Variants in SYNE3 observed in about 807,000 individuals in gnomAD.
The protein encoded by SYNE3 is nesprin-3.
SYNE3 carries 100 observed loss-of-function variants against 111.2 expected under a neutral mutation model. The observed-to-expected ratio is 0.90, with a 90% confidence interval of 0.77 to 1.06. The LOEUF is 1.06. Ranked by LOEUF, SYNE3 falls within the 50% of genes least tolerant of loss-of-function variation. The pLI is 0.00. For missense variants in SYNE3, 1,160 were observed against 1,240.3 expected, an observed-to-expected ratio of 0.94 and a Z score of 0.97; for synonymous variants, 547 against 533.9, an observed-to-expected ratio of 1.02 and a Z score of -0.34.
chr14:95,430,172 T>C (rs10129749), intron 17 of SYNE3, among the ~76,000 whole-genome samples: 3,002 of 152,314 alleles, frequency 0.02, 116 homozygotes, highest in African/African-American at 0.068. Flanking sequence ...TACTATGTGC[T>C]AGGCACCATG....
intron 4 of SYNE3, among the ~76,000 whole-genome samples, chr14:95,465,675 G>A (rs1282667551): frequency 1.3e-5 from 2 of 152,064 alleles, no homozygotes; most frequent in East Asian, 3.9e-4. Flanking sequence ...GTAGATAGGT[G>A]AATGGGGTGG....
chr14:95,462,108 C>T, intron 4 of SYNE3, among the ~76,000 whole-genome samples: 1 of 152,192 alleles, frequency 6.6e-6, no homozygotes, highest in East Asian at 1.9e-4. Flanking sequence ...CACGAAAGCT[C>T]CATCCATAGA....
intron 1 of SYNE3, among the ~76,000 whole-genome samples, chr14:95,481,790 T>A (rs1889830356): frequency 6.6e-6 from 1 of 152,228 alleles, no homozygotes; most frequent in Non-Finnish European, 1.5e-5. Context: ...CCAGCTCCCT[T>A]TGCCCGATTC....
chr14:95,509,020 G>A (rs555829540), intron 1 of SYNE3, among the ~76,000 whole-genome samples: 20 of 152,322 alleles, frequency 1.3e-4, no homozygotes, highest in East Asian at 7.7e-4. Context: ...TAATAATAGC[G>A]TGCTCTCTCT....
At chr14:95,469,675 C>T (rs1158255040) in intron 2 of SYNE3, among the ~76,000 whole-genome samples, 6 of 151,802 alleles carry the variant, frequency 4.0e-5, no homozygotes, top group South Asian at 2.1e-4. Context: ...CAAACCACTA[C>T]GCTCCAGCCT....
intron 1 of SYNE3, among the ~76,000 whole-genome samples, chr14:95,502,202 A>C (rs1890362485): frequency 6.6e-6 from 1 of 152,088 alleles, no homozygotes; most frequent in African/African-American, 2.4e-5. Context: ...ACAGTTGGTC[A>C]CACCAACTTT....
At chr14:95,469,625 C>T (rs1888402496) in intron 2 of SYNE3, among the ~76,000 whole-genome samples, 1 of 151,416 alleles carries the variant, frequency 6.6e-6, no homozygotes, top group African/African-American at 2.4e-5. Context: ...GTGGGAGGAT[C>T]GCTTGAGCTT....
In SYNE3 at chr14:95,450,060, C is replaced by T. The variant is rs149713915; in HGVS notation, c.1320G>A (p.Glu440=). The change falls in exon 8 of 18, where the codon GAG becomes GAA. Residue 440 remains glutamate, a synonymous_variant. Transcript: ENST00000682763. ...SARLRNAAAV[E]LWQHFQRPLQ... Reference sequence around the variant, plus strand: ...GAGGCCGCTGGAAATGCTGCCACAGCTCCACCGCCGCGGCATTGCGCAGCC... The same window carrying T: ...GAGGCCGCTGGAAATGCTGCCACAGTTCCACCGCCGCGGCATTGCGCAGCC... The T allele has an allele frequency of 2.0e-3, 3,087 of 1,569,982 alleles. 20 individuals carry two copies. The highest frequency in any genetic ancestry group is 4.3e-3 in the Middle Eastern group (25 of 5,760).
intron 1 of SYNE3, among the ~76,000 whole-genome samples, chr14:95,487,641 G>A (rs1370814885): frequency 2.6e-5 from 4 of 152,040 alleles, no homozygotes; most frequent in East Asian, 3.8e-4. Context: ...GCCAACACCC[G>A]TCCATAAAAT....
At chr14:95,439,337 A>G (rs1240159982) in intron 13 of SYNE3, among the ~76,000 whole-genome samples, 175 bp from the exon 14 acceptor site, 1 of 152,252 alleles carries the variant, frequency 6.6e-6, no homozygotes, top group African/African-American at 2.4e-5. Flanking sequence ...AACTCAGAGT[A>G]ACCTGTCATG....
chr14:95,450,845 CAT>C (rs1393034620), intron 7 of SYNE3: 1 of 152,202 alleles, frequency 6.6e-6, no homozygotes, highest in Non-Finnish European at 1.5e-5. Flanking sequence ...GTGCTCCTCT[CAT>C]ATAATCATTC....
At chr14:95,439,305 T>C (rs1886274745) in intron 13 of SYNE3, 143 bp from the exon 14 acceptor site, 4 of 1,261,098 alleles carry the variant, frequency 3.2e-6, no homozygotes, top group Non-Finnish European at 4.5e-6. Flanking sequence ...TGAGGCATGC[T>C]CACATCCGGT....
At position 95,409,442 on chromosome 14, in the gene SYNE3, G is replaced by A. The variant is rs988034579; in HGVS notation, c.*8384C>T. The A allele has an allele frequency of 1.6e-5, 7 of 446,664 alleles. No homozygotes were observed. The highest frequency in any genetic ancestry group is 1.4e-4 in the African/African-American group (7 of 49,480). 27.7% of individuals were successfully genotyped at this position (446,664 alleles called of 1,614,324 possible). The stretch of plus-strand genomic sequence containing the variant: ...CTGGCCTGGTGTTCCTGGTTGCTGA[G>A]CTCAGAAGCAAGCGTTTCAGAAAGG... On this transcript the variant is annotated 3_prime_UTR_variant, in exon 18 of 18. Coordinates refer to ENST00000682763, the MANE Select transcript of SYNE3 (RefSeq NM_152592.6).
At chr14:95,450,269 T>C in intron 7 of SYNE3, 164 bp from the exon 8 acceptor site, 1 of 809,944 alleles carries the variant, frequency 1.2e-6, no homozygotes, top group African/African-American at 1.7e-5. Context: ...AGACAGAAGA[T>C]GTAGCTGGAA....
rs777251774 is a variant in SYNE3, at chr14:95,457,204, G to A, written c.762C>T (p.Pro254=). 1.9e-6 allele frequency: 3 copies of A among 1,613,988 alleles called. No homozygotes were observed. The highest frequency in any genetic ancestry group is 2.5e-6 in the Non-Finnish European group (3 of 1,179,988). ...GCAGTGTGGAGAGGCGCTGCGTGAT[G>A]GGCAGCTTGCAGTTCCGCCCCAGGC... ...NGCLGRNCKL[P]ITQRLSTLQD... The change falls in exon 5 of 18, where the codon CCC becomes CCT. Residue 254 remains proline (P), a synonymous_variant. Coordinates refer to ENST00000682763, the MANE Select transcript of SYNE3 (RefSeq NM_152592.6).
At chr14:95,508,662 C>A (rs1017020846) in intron 1 of SYNE3, among the ~76,000 whole-genome samples, 7 of 152,262 alleles carry the variant, frequency 4.6e-5, no homozygotes, top group African/African-American at 1.7e-4. Flanking sequence ...AAGGAAAGAA[C>A]AAGAAGCCAA....
intron 17 of SYNE3, among the ~76,000 whole-genome samples, chr14:95,427,568 TCTCTCTCTCC>T (rs200754889): frequency 0.02 from 3,096 of 152,188 alleles, 64 homozygotes; most frequent in African/African-American, 0.049. Flanking sequence ...TAAGCTGTCC[TCTCTCTCTCC>T]CTCTCTCTCC....
intron 8 of SYNE3, chr14:95,449,539 T>C (rs1400851801): frequency 1.0e-6 from 1 of 985,338 alleles, no homozygotes. Flanking sequence ...CACTGAGCTG[T>C]GGCCTGGCAC....
At chr14:95,473,270 C>G (rs1405878716) in intron 2 of SYNE3, among the ~76,000 whole-genome samples, 1 of 152,136 alleles carries the variant, frequency 6.6e-6, no homozygotes, top group African/African-American at 2.4e-5. Flanking sequence ...CCCATCCACC[C>G]TGGTCCTGCC....
Sources: allele counts gnomAD v4.1 joint callset (sites outside exome capture counted in the v4.1 genomes callset), GRCh38; gene constraint gnomAD v4.1.1; transcripts MANE v1.5; gene names NCBI Gene and HGNC (gene_info 2026-07-23, HGNC 2026-07-21).